Variants in PID1 observed in about 807,000 individuals in gnomAD.
The protein encoded by PID1 is phosphotyrosine interaction domain containing 1.
In PID1, 10 loss-of-function variants were observed where a neutral mutation model predicts 19.1. The observed-to-expected ratio is 0.52, with a 90% CI of 0.32 to 0.89. PID1 has a LOEUF of 0.89. Ranked by LOEUF, PID1 falls within the 40% of genes least tolerant of loss-of-function variation. The pLI, the probability that PID1 is intolerant of heterozygous loss-of-function variation, is 0.03. For synonymous variants in PID1, 130 were observed against 116.0 expected (o/e 1.12, Z -0.78); for missense variants, 248 against 285.3 (o/e 0.87, Z 0.94).
chr2:229,183,104 T>C (rs1166860141), intron 1 of PID1, among the ~76,000 whole-genome samples: 2 of 152,224 alleles, frequency 1.3e-5, no homozygotes. Flanking sequence ...TGGGCAAGGA[T>C]GGGCCCTAAC....
intron 1 of PID1, among the ~76,000 whole-genome samples, chr2:229,212,357 G>A (rs6705931): frequency 0.99 from 150,621 of 152,338 alleles, 74,477 homozygotes; most frequent in East Asian, 1. Flanking sequence ...CAGCTGCCAC[G>A]TGCTGCACAC....
chr2:229,231,819 T>A (rs150372413), intron 1 of PID1: 1 of 1,512,912 alleles, frequency 6.6e-7, no homozygotes, highest in African/African-American at 1.4e-5. Flanking sequence ...CAAACCTACT[T>A]CCCACTCCTC....
rs1415609181 is a variant in PID1, at chr2:229,024,123, T to C, written c.*1509A>G. ...AATATGACTCCATGCTTATTCTACA[T>C]GCCTGAAAACTGGGCCCACACACAG... On this transcript the variant is annotated 3_prime_UTR_variant, in exon 3 of 3. Coordinates refer to ENST00000392055, the MANE Select transcript of PID1 (RefSeq NM_001100818.2). The C allele has an allele frequency of 1.3e-5, 2 of 152,636 alleles. No homozygotes were observed. Among genetic ancestry groups the C allele is most frequent in the Non-Finnish European group, 2.9e-5 (2 of 68,038 alleles). The allele number at this position is 152,636 out of a possible 1,614,324, so 9.5% of individuals were successfully genotyped here. A position where few individuals can be genotyped will look rare whatever the true frequency, so the allele number is the denominator to read the frequency against.
At chr2:229,115,953 A>C (rs1470319129) in intron 2 of PID1, among the ~76,000 whole-genome samples, 4 of 152,076 alleles carry the variant, frequency 2.6e-5, no homozygotes, top group African/African-American at 9.7e-5. Flanking sequence ...TAATCATTAA[A>C]AATATTCAGA....
At chr2:229,232,736 A>T (rs1005205178) in intron 1 of PID1, among the ~76,000 whole-genome samples, 2 of 148,464 alleles carry the variant, frequency 1.3e-5, no homozygotes, top group Non-Finnish European at 3.0e-5. Flanking sequence ...CATTGTTGTT[A>T]ATAATGTTTG....
intron 2 of PID1, among the ~76,000 whole-genome samples, chr2:229,148,727 AAAGG>A (rs1690186678): frequency 1.3e-5 from 2 of 151,826 alleles, no homozygotes; most frequent in South Asian, 4.2e-4. Context: ...AGAAAGGAAA[AAAGG>A]AAGGAAAGGA....
rs116537139 is a variant in PID1, at chr2:229,250,740, G to T, written c.30+20274C>A. 7.1e-3 allele frequency among the ~76,000 whole-genome samples: 1,085 copies of T among 152,250 alleles called. 3 individuals carry two copies. Among genetic ancestry groups the T allele is most frequent in the South Asian group, 0.016 (77 of 4,824 alleles). On this transcript the variant is annotated intron_variant, in intron 1 of 2. Coordinates refer to ENST00000392055, the MANE Select transcript of PID1 (RefSeq NM_001100818.2). Reference sequence around the variant, plus strand: ...GAGGTGTTAGTATCCTTCTGGGTAGGACTCGAGGGGAAGCTTTTGTTTACC... The same window carrying T: ...GAGGTGTTAGTATCCTTCTGGGTAGTACTCGAGGGGAAGCTTTTGTTTACC...
intron 1 of PID1, among the ~76,000 whole-genome samples, chr2:229,175,710 A>C (rs1690806747): frequency 6.6e-6 from 1 of 152,188 alleles, no homozygotes. Flanking sequence ...GGAGAGAAGA[A>C]AATAAGTGAT....
intron 1 of PID1, among the ~76,000 whole-genome samples, chr2:229,256,825 A>AT (rs1392362425): frequency 2.0e-5 from 3 of 152,220 alleles, no homozygotes; most frequent in African/African-American, 4.8e-5. Flanking sequence ...CCATATCTCA[A>AT]TTAACATTCA....
chr2:229,119,582 G>T (rs984130011), intron 2 of PID1, among the ~76,000 whole-genome samples: 2 of 152,134 alleles, frequency 1.3e-5, no homozygotes, highest in African/African-American at 4.8e-5. Context: ...ACCTTTACAG[G>T]CTACTTGGGA....
intron 1 of PID1, among the ~76,000 whole-genome samples, chr2:229,203,505 G>A (rs1691543587): frequency 6.6e-6 from 1 of 151,430 alleles, no homozygotes; most frequent in African/African-American, 2.4e-5. Context: ...TAAAGTCACA[G>A]TTTCCAAGAA....
chr2:229,080,658 T>C (rs1694651712), intron 2 of PID1, among the ~76,000 whole-genome samples: 1 of 152,236 alleles, frequency 6.6e-6, no homozygotes, highest in Non-Finnish European at 1.5e-5. Context: ...TCACATCCTA[T>C]TCATCTTGCA....
chr2:229,203,404 A>G (rs1291265307), intron 1 of PID1, among the ~76,000 whole-genome samples: 1 of 152,102 alleles, frequency 6.6e-6, no homozygotes, highest in Non-Finnish European at 1.5e-5. Flanking sequence ...CGAAACATAC[A>G]GCAGGTCCTC....
At chr2:229,261,252 C>A (rs1196861558) in intron 1 of PID1, among the ~76,000 whole-genome samples, 2 of 152,194 alleles carry the variant, frequency 1.3e-5, no homozygotes, top group Admixed American at 6.5e-5. Flanking sequence ...TGCGGGACAA[C>A]CCACAGTACC....
At chr2:229,154,510 G>A (rs1034066334) in intron 2 of PID1, among the ~76,000 whole-genome samples, 4 of 152,168 alleles carry the variant, frequency 2.6e-5, no homozygotes, top group Non-Finnish European at 5.9e-5. Context: ...AGATGCTGGT[G>A]GGTTTTGCCC....
intron 1 of PID1, among the ~76,000 whole-genome samples, chr2:229,267,954 C>T (rs542896289): frequency 2.0e-5 from 3 of 151,922 alleles, no homozygotes; most frequent in African/African-American, 4.8e-5. Context: ...GCTGTGCAGA[C>T]GGGAAGGTGA....
chr2:229,048,895 G>A (rs2396607), intron 2 of PID1, among the ~76,000 whole-genome samples: 79,314 of 151,812 alleles, frequency 0.52, 21,479 homozygotes, highest in East Asian at 0.67. Flanking sequence ...GGGGTTTGGC[G>A]ATCACCACAG....
At chr2:229,096,331 C>T (rs955303468) in intron 2 of PID1, among the ~76,000 whole-genome samples, 2 of 152,116 alleles carry the variant, frequency 1.3e-5, no homozygotes, top group African/African-American at 4.8e-5. Flanking sequence ...ATGTATGCCA[C>T]TTTTTGGACA....
At chr2:229,189,783 C>T (rs1003772064) in intron 1 of PID1, among the ~76,000 whole-genome samples, 10 of 152,128 alleles carry the variant, frequency 6.6e-5, no homozygotes, top group East Asian at 1.9e-4. Context: ...CAGGCAAGGG[C>T]GGGGCAGAGA....
Sources: allele counts gnomAD v4.1 joint callset (sites outside exome capture counted in the v4.1 genomes callset), GRCh38; gene constraint gnomAD v4.1.1; transcripts MANE v1.5; gene names NCBI Gene and HGNC (gene_info 2026-07-23, HGNC 2026-07-21).